EIF4G3: variants seen among roughly 807,000 people sequenced by gnomAD.
EIF4G3 encodes the protein eIF-4-gamma 3.
A neutral mutation model predicts 186.4 loss-of-function variants in EIF4G3; 34 were observed. The observed-to-expected ratio is 0.18, with a 90% CI of 0.14 to 0.24. The LOEUF (loss-of-function observed/expected upper bound fraction) is 0.24, where lower values mean the gene tolerates loss of function less well. Ranked by LOEUF, EIF4G3 falls within the 10% of genes least tolerant of loss-of-function variation. EIF4G3 has a pLI of 1.00. For missense variants in EIF4G3, 1,536 were observed against 1,948.5 expected (o/e 0.79, Z 3.99); for synonymous variants, 673 against 679.5 (o/e 0.99, Z 0.15).
chr1:20,843,813 T>C (rs2069630707), intron 29 of EIF4G3, among the ~76,000 whole-genome samples: 2 of 152,188 alleles, frequency 1.3e-5, no homozygotes, highest in African/African-American at 4.8e-5. Flanking sequence ...TTCCACCTTC[T>C]GTCCTCCAGT....
intron 20 of EIF4G3, among the ~76,000 whole-genome samples, chr1:20,865,696 G>A (rs1018457577): frequency 2.0e-5 from 3 of 152,130 alleles, no homozygotes; most frequent in Non-Finnish European, 4.4e-5. Context: ...CAAAACTGTT[G>A]TAGGTGAGAT....
At chr1:20,923,668 A>T (rs939739099) in intron 14 of EIF4G3, among the ~76,000 whole-genome samples, 1 of 152,080 alleles carries the variant, frequency 6.6e-6, no homozygotes, top group African/African-American at 2.4e-5. Context: ...CCATCTGACC[A>T]TCAGTGAGTC....
chr1:20,965,131 C>A (rs1231895378), intron 12 of EIF4G3, among the ~76,000 whole-genome samples: 1 of 152,174 alleles, frequency 6.6e-6, no homozygotes, highest in African/African-American at 2.4e-5. Flanking sequence ...CATAACTTTT[C>A]CCTGGTCAGG....
Position 21,176,231 on chromosome 1 carries a change from T to TGCCGCCGCC in EIF4G3, c.-337_-329dup, listed in dbSNP as rs34197724. The TGCCGCCGCC allele has an allele frequency of 1.7e-3, 598 of 346,288 alleles. 3 individuals carry two copies. Among genetic ancestry groups the TGCCGCCGCC allele is most frequent in the Admixed American group, 3.4e-3 (70 of 20,502 alleles). 21.5% of individuals were successfully genotyped at this position (346,288 alleles called of 1,614,324 possible). ...TGTTCGGGTGAGGAGGGGGGACCGC[T>TGCCGCCGCC]GCCGCCGCCGCCGCCGCCGCCGCCG... On this transcript the variant is annotated 5_prime_UTR_variant, in exon 2 of 37. Transcript: ENST00000602326.
At chr1:20,814,528 C>G (rs557327448) in intron 34 of EIF4G3, among the ~76,000 whole-genome samples, 1 of 151,936 alleles carries the variant, frequency 6.6e-6, no homozygotes, top group African/African-American at 2.4e-5. Context: ...TATGAAAGAA[C>G]AACACCACAA....
intron 29 of EIF4G3, chr1:20,847,831 T>C (rs1417699003): frequency 4.2e-6 from 2 of 471,680 alleles, no homozygotes; most frequent in South Asian, 1.5e-5. Flanking sequence ...CATCAAAAAC[T>C]TCCTTCTACT....
intron 7 of EIF4G3, among the ~76,000 whole-genome samples, chr1:20,990,747 C>T (rs909189058): frequency 1.3e-5 from 2 of 152,210 alleles, no homozygotes; most frequent in African/African-American, 4.8e-5. Context: ...TAGTAGACTA[C>T]AGCACAGTGG....
chr1:20,932,386 T>G lies in EIF4G3; in HGVS notation c.1663+9105A>C, dbSNP rs1035905803. Among the ~76,000 whole-genome samples the G allele has an allele frequency of 1.1e-4, 17 of 152,174 alleles. No homozygotes were observed. The South Asian group carries it at 1.9e-3, about 17-fold the overall frequency. ...CACTGGAGTAGCACTTTAAACTTCC[T>G]TCAAGAACTTTTCCTTTGCATTCAC... On this transcript the variant is annotated intron_variant, in intron 14 of 36. Transcript: ENST00000602326.
At chr1:20,848,876 G>C (rs185849533) in intron 29 of EIF4G3, among the ~76,000 whole-genome samples, 1 of 151,442 alleles carries the variant, frequency 6.6e-6, no homozygotes, top group Non-Finnish European at 1.5e-5. Flanking sequence ...GTGAAACCCC[G>C]CCTCTACTAA....
chr1:20,899,739 T>C lies in EIF4G3; in HGVS notation c.1957A>G (p.Thr653Ala). 1 of 1,614,196 alleles carries C rather than the reference T, an allele frequency of 6.2e-7. No homozygotes were observed. The highest frequency in any genetic ancestry group is 1.7e-5 in the Admixed American group (1 of 60,032). ...GEGIDANSGS[T>A]DSSGDGVTFP... ...GTAACCCCATCACCAGAACTATCTG[T>C]GGAGCCTGAATTAGCATCTATTCCT... The change falls in exon 16 of 37, where the codon ACA becomes GCA. Residue 653 changes from threonine (T) to alanine (A), a missense_variant. Transcript: ENST00000602326.
At chr1:21,153,806 C>T (rs920975975) in intron 2 of EIF4G3, among the ~76,000 whole-genome samples, 1 of 152,084 alleles carries the variant, frequency 6.6e-6, no homozygotes, top group East Asian at 1.9e-4. Context: ...TTCAGGTGAT[C>T]CTCCCTCCTT....
intron 2 of EIF4G3, among the ~76,000 whole-genome samples, chr1:21,105,138 A>G (rs1252079641): frequency 2.6e-5 from 4 of 152,208 alleles, no homozygotes; most frequent in Non-Finnish European, 5.9e-5. Flanking sequence ...AATAATCTGT[A>G]CAGGTCAGGT....
chr1:21,124,294 A>C (rs1175083868), intron 2 of EIF4G3, among the ~76,000 whole-genome samples: 1 of 151,896 alleles, frequency 6.6e-6, no homozygotes, highest in Non-Finnish European at 1.5e-5. Context: ...TCAAAGAAAA[A>C]AAAAAAATTC....
At chr1:21,132,971 T>C (rs1287766420) in intron 2 of EIF4G3, among the ~76,000 whole-genome samples, 3 of 150,138 alleles carry the variant, frequency 2.0e-5, no homozygotes, top group Admixed American at 6.6e-5. Flanking sequence ...TTAGTAGAGA[T>C]GGGGATTTCA....
At chr1:21,015,140 T>G (rs1232165279) in intron 4 of EIF4G3, among the ~76,000 whole-genome samples, 1 of 149,482 alleles carries the variant, frequency 6.7e-6, no homozygotes, top group Non-Finnish European at 1.5e-5. Flanking sequence ...AATTGAAAAA[T>G]TCACTAGAAG....
intron 2 of EIF4G3, among the ~76,000 whole-genome samples, chr1:21,165,684 AATGGGGAGTC>A (rs1429419631): frequency 6.6e-6 from 1 of 152,142 alleles, no homozygotes; most frequent in Non-Finnish European, 1.5e-5. Flanking sequence ...ATTGGGGGAA[AATGGGGAGTC>A]ATGGGGAGTC....
chr1:21,176,567 ACGCCGCCGCCGCCGC>A (rs948854829), intron 1 of EIF4G3, among the ~76,000 whole-genome samples, 140 bp downstream of exon 1: 1 of 115,244 alleles, frequency 8.7e-6, no homozygotes, highest in Non-Finnish European at 1.8e-5. Flanking sequence ...CACACGCCCG[ACGCCGCCGCCGCCGC>A]CGCCGCCGCC....
At chr1:20,893,423 C>T (rs1483823929) in intron 18 of EIF4G3, 94 bp downstream of exon 18, 3 of 1,304,274 alleles carry the variant, frequency 2.3e-6, no homozygotes, top group Non-Finnish European at 3.1e-6. Flanking sequence ...TGACTAGAAT[C>T]AACGAATAAA....
rs2095716789 is a variant in EIF4G3, at chr1:20,941,628, T to C, written c.1526A>G (p.Glu509Gly). The change falls in exon 14 of 37, where the codon GAG becomes GGG. Residue 509 changes from glutamate to glycine, a missense_variant. Glu to Gly is a moderately conservative substitution (Grantham distance 98). Transcript: ENST00000602326. ...SAAITVQRVLEEDESIRTCLS... is the reference protein window; with the variant it reads ...SAAITVQRVLGEDESIRTCLS... ...GCAAGTTCTTATGCTCTCGTCCTCC[T>C]CTAGGACTCTCTGGACTGTGATGGC... 6 of 1,614,206 alleles carry C rather than the reference T, an allele frequency of 3.7e-6. No homozygotes were observed. The highest frequency in any genetic ancestry group is 5.1e-6 in the Non-Finnish European group (6 of 1,180,036).
Sources: allele counts gnomAD v4.1 joint callset (sites outside exome capture counted in the v4.1 genomes callset), GRCh38; gene constraint gnomAD v4.1.1; transcripts MANE v1.5; gene names NCBI Gene and HGNC (gene_info 2026-07-23, HGNC 2026-07-21).